The following TSNARE1 variants were observed in gnomAD, a reference collection of about 807,000 sequenced individuals.
TSNARE1 encodes t-SNARE domain-containing protein 1.
A neutral mutation model predicts 62.0 loss-of-function variants in TSNARE1; 49 were observed. That is an observed-to-expected ratio of 0.79 (90% CI 0.63 to 1.00). TSNARE1 has a LOEUF of 1.00. TSNARE1 is among the 50% of genes least tolerant of loss of function. The pLI, the probability that TSNARE1 is intolerant of heterozygous loss-of-function variation, is 0.00. For missense variants in TSNARE1, 755 were observed against 700.1 expected (o/e 1.08, Z -0.88); for synonymous variants, 328 against 294.4 (o/e 1.11, Z -1.17).
chr8:142,285,626 G>C (rs1822603818), intron 10 of TSNARE1, among the ~76,000 whole-genome samples: 1 of 152,090 alleles, frequency 6.6e-6, no homozygotes, highest in Non-Finnish European at 1.5e-5. Context: ...GTGGGTGGGT[G>C]GGTTGGTCAA....
intron 1 of TSNARE1, among the ~76,000 whole-genome samples, chr8:142,392,682 C>A (rs1176323387): frequency 2.0e-5 from 3 of 152,168 alleles, no homozygotes; most frequent in African/African-American, 7.2e-5. Context: ...CACCTGTAAT[C>A]CCAGCACTTC....
At chr8:142,341,857 T>A (rs1257969601) in intron 4 of TSNARE1, among the ~76,000 whole-genome samples, 1 of 152,136 alleles carries the variant, frequency 6.6e-6, no homozygotes, top group African/African-American at 2.4e-5. Context: ...CCCCCAGCCC[T>A]GACAGCACCA....
At chr8:142,398,187 C>G (rs893361431) in intron 1 of TSNARE1, among the ~76,000 whole-genome samples, 4 of 151,570 alleles carry the variant, frequency 2.6e-5, no homozygotes, top group African/African-American at 9.7e-5. Context: ...ATCCAGGATT[C>G]TTCCCAGGTA....
chr8:142,230,255 A>T (rs1402084863), intron 12 of TSNARE1, among the ~76,000 whole-genome samples: 1 of 152,178 alleles, frequency 6.6e-6, no homozygotes, highest in Non-Finnish European at 1.5e-5. Flanking sequence ...GAGGCAAGGG[A>T]TTAAGGGAGA....
At chr8:142,405,615 T>G (rs1838573448), upstream of TSNARE1, 2 of 152,278 alleles carry the variant, frequency 1.3e-5, no homozygotes, top group Non-Finnish European at 2.9e-5. Flanking sequence ...CTCTGAATAG[T>G]AGCATGGACT....
At position 142,371,280 on chromosome 8, in the gene TSNARE1, C is replaced by A. The variant is rs182578861; in HGVS notation, c.-39-16517G>T. On this transcript the variant is annotated intron_variant, in intron 1 of 13. Coordinates refer to ENST00000524325, the MANE Select transcript of TSNARE1 (RefSeq NM_145003.5). Reference sequence around the variant, plus strand: ...ATTCTATCAAACATTTAAAGAATACCAAATACATAAACTCTTCCATGAAGG... The same window carrying A: ...ATTCTATCAAACATTTAAAGAATACAAAATACATAAACTCTTCCATGAAGG... Among the ~76,000 whole-genome samples, 47 of 152,180 alleles carry A rather than the reference C, an allele frequency of 3.1e-4. No homozygotes were observed. The Middle Eastern group carries it at 0.017, about 55-fold the overall frequency.
chr8:142,373,274 G>T (rs1162041697), intron 1 of TSNARE1, among the ~76,000 whole-genome samples: 1 of 152,154 alleles, frequency 6.6e-6, no homozygotes, highest in African/African-American at 2.4e-5. Context: ...CCTGGGCTAC[G>T]GCCATGGGAG....
rs540358676 is a variant in TSNARE1 at position 142,274,532 on chromosome 8, G to A, written c.1446+249C>T. 554 of 985,438 alleles carry A rather than the reference G, an allele frequency of 5.6e-4. 5 individuals carry two copies. In the African/African-American group the frequency reaches 9.1e-3, roughly 16 times the overall value. 61.0% of individuals were successfully genotyped at this position (985,438 alleles called of 1,614,324 possible). On this transcript the variant is annotated intron_variant, in intron 12 of 13. Transcript: ENST00000524325. ...GCACCCCGGATCCATGGGAGAGGGC[G>A]GCGTGGTGCATACAAGAGAGGAGAC...
rs1232073105 is a variant in TSNARE1, at chr8:142,274,766, C to G, written c.1446+15G>C. The G allele has an allele frequency of 3.3e-6, 5 of 1,536,316 alleles. No homozygotes were observed. Among genetic ancestry groups the G allele is most frequent in the Non-Finnish European group, 4.4e-6 (5 of 1,141,480 alleles). On this transcript the variant is annotated intron_variant, in intron 12 of 13. Coordinates refer to ENST00000524325, the MANE Select transcript of TSNARE1 (RefSeq NM_145003.5). ...GCCGGGCCGGCCGGGCACTGTGGCC[C>G]TCACACGGACTTACTTGGTGCCGGC...
At chr8:142,351,055 A>G (rs1226010882) in intron 2 of TSNARE1, among the ~76,000 whole-genome samples, 1 of 152,224 alleles carries the variant, frequency 6.6e-6, no homozygotes, top group African/African-American at 2.4e-5. Flanking sequence ...TCTTTTAGAG[A>G]CACGCTGAAA....
At chr8:142,266,843 C>T (rs1819158888) in intron 12 of TSNARE1, among the ~76,000 whole-genome samples, 1 of 152,162 alleles carries the variant, frequency 6.6e-6, no homozygotes, top group Admixed American at 6.5e-5. Flanking sequence ...TCTACTCTCC[C>T]CATCTCTTCA....
chr8:142,322,921 T>C (rs1829689605), intron 6 of TSNARE1, among the ~76,000 whole-genome samples: 1 of 147,620 alleles, frequency 6.8e-6, no homozygotes, highest in African/African-American at 2.5e-5. Flanking sequence ...GGCTGGATGA[T>C]ATTGTTATGA....
intron 3 of TSNARE1, among the ~76,000 whole-genome samples, chr8:142,345,483 C>T (rs1338996134): frequency 3.9e-5 from 6 of 152,232 alleles, no homozygotes; most frequent in South Asian, 2.1e-4. Context: ...CCAGCGGGAG[C>T]ACCCCTGCTC....
At chr8:142,278,776 C>T in intron 11 of TSNARE1, 2 of 985,436 alleles carry the variant, frequency 2.0e-6, no homozygotes, top group Non-Finnish European at 2.4e-6. Flanking sequence ...AGTCACCGGA[C>T]AGCACCACGT....
intron 12 of TSNARE1, among the ~76,000 whole-genome samples, chr8:142,234,358 C>T (rs938212520): frequency 6.6e-6 from 1 of 151,572 alleles, no homozygotes; most frequent in South Asian, 2.1e-4. Flanking sequence ...AGGGAAGGTT[C>T]CAAGATGGCG....
intron 1 of TSNARE1, among the ~76,000 whole-genome samples, chr8:142,381,838 C>T (rs1368502905): frequency 1.3e-5 from 2 of 152,210 alleles, no homozygotes; most frequent in East Asian, 3.9e-4. Flanking sequence ...GCCCTGCCTG[C>T]CTTGGCATTG....
intron 1 of TSNARE1, among the ~76,000 whole-genome samples, chr8:142,401,978 CCT>C (rs1257530759): frequency 9.9e-5 from 15 of 152,232 alleles, no homozygotes; most frequent in South Asian, 2.1e-4. Context: ...AATCCCCACC[CCT>C]GTCTCACAGG....
chr8:142,241,118 A>T (rs1306745970), intron 12 of TSNARE1, among the ~76,000 whole-genome samples: 1 of 152,152 alleles, frequency 6.6e-6, no homozygotes, highest in Non-Finnish European at 1.5e-5. Flanking sequence ...CTGATAGAAA[A>T]CCCCAAGGAC....
At chr8:142,381,190 G>A (rs1203888511) in intron 1 of TSNARE1, among the ~76,000 whole-genome samples, 1 of 152,194 alleles carries the variant, frequency 6.6e-6, no homozygotes, top group Non-Finnish European at 1.5e-5. Flanking sequence ...CTTGTCCCTT[G>A]ACCTTGGAGC....
Sources: allele counts gnomAD v4.1 joint callset (sites outside exome capture counted in the v4.1 genomes callset), GRCh38; gene constraint gnomAD v4.1.1; transcripts MANE v1.5; gene names NCBI Gene and HGNC (gene_info 2026-07-23, HGNC 2026-07-21).